The following MAN2A2 variants were observed in gnomAD, a reference collection of about 807,000 sequenced individuals.
MAN2A2 encodes mannosidase alpha class 2A member 2.
Under a neutral mutation model 126.8 loss-of-function variants are expected in MAN2A2, and 79 were observed. The observed-to-expected ratio is 0.62, with a 90% CI of 0.52 to 0.75. The LOEUF is 0.75. Among genes scored for constraint, MAN2A2 ranks in the 30% least tolerant of loss-of-function variants. The pLI is 0.00. For missense variants in MAN2A2, 1,392 were observed against 1,522.4 expected, an observed-to-expected ratio of 0.91 and a Z score of 1.43; for synonymous variants, 671 against 618.7, an observed-to-expected ratio of 1.08 and a Z score of -1.25.
Position 90,906,008 on chromosome 15 carries a change from A to G in MAN2A2, c.699A>G (p.Ala233=), listed in dbSNP as rs776858234. 5 of 1,613,872 alleles carry G rather than the reference A, an allele frequency of 3.1e-6. No individual in the cohort carries two copies. Among genetic ancestry groups the G allele is most frequent in the Non-Finnish European group, 4.2e-6 (5 of 1,180,036 alleles). ...WDNINVQKRA[A]VRRLVGNGQL... is the part of the protein sequence containing the mutation. Reference sequence around the variant, plus strand: ...ACATCAATGTCCAAAAGAGAGCGGCAGTCCGAAGGCCAGTACCAGGCGGGG... The same window carrying G: ...ACATCAATGTCCAAAAGAGAGCGGCGGTCCGAAGGCCAGTACCAGGCGGGG... Residue 233 remains alanine, a synonymous_variant, in exon 5 of 23, where the codon GCA becomes GCG. Coordinates refer to ENST00000559717, the MANE Select transcript of MAN2A2 (RefSeq NM_006122.4).
intron 17 of MAN2A2, 24 bp from the exon 18 acceptor site, chr15:90,913,249 C>A (rs374373254): frequency 8.7e-6 from 14 of 1,611,960 alleles, no homozygotes; most frequent in Non-Finnish European, 1.2e-5. Context: ...CCTGTCCATG[C>A]CCCCACTTTG....
chr15:90,904,711 T>G (rs1248291222), intron 2 of MAN2A2, among the ~76,000 whole-genome samples: 2 of 151,870 alleles, frequency 1.3e-5, no homozygotes, highest in Non-Finnish European at 2.9e-5. Context: ...TGCCTCAGCC[T>G]CCCAAGTAGC....
Position 90,911,459 on chromosome 15 carries a change from T to C in MAN2A2, c.2018T>C (p.Val673Ala), listed in dbSNP as rs749772657. The C allele has an allele frequency of 5.0e-6, 8 of 1,614,204 alleles. No individual in the cohort carries two copies. The Admixed American group carries it at 1.2e-4, about 24-fold the overall frequency. ...TCCCTGCTGGTCAACTCTCCCCGCGTGCGTGTCCTTTCGGAGGAGGGTCAG... is the reference window on the plus strand; with the variant it reads ...TCCCTGCTGGTCAACTCTCCCCGCGCGCGTGTCCTTTCGGAGGAGGGTCAG... ...MVSLLVNSPR[V>A]RVLSEEGQPL... Residue 673 changes from valine to alanine, a missense_variant, in exon 14 of 23, where the codon GTG becomes GCG. Coordinates refer to ENST00000559717, the MANE Select transcript of MAN2A2 (RefSeq NM_006122.4).
chr15:90,910,851 C>G lies in MAN2A2; in HGVS notation c.1765C>G (p.Leu589Val), dbSNP rs2034671308. ...CCTCTCCTGCGCCACCCACAGGCTT[C>G]TGCGCTCCCTTGTCAACCTGAAGCA... is the stretch of plus-strand genomic sequence containing the variant. Reference protein sequence around the residue: ...AVVVDYGVRLLRSLVNLKQVI... With the variant: ...AVVVDYGVRLVRSLVNLKQVI... The change falls in exon 12 of 23, where the codon CTG becomes GTG. Residue 589 changes from leucine (L) to valine (V), a missense_variant. Physicochemically the swap from Leu to Val is conservative, Grantham distance 32. Coordinates refer to ENST00000559717, the MANE Select transcript of MAN2A2 (RefSeq NM_006122.4). The G allele has an allele frequency of 6.2e-7, 1 of 1,613,782 alleles. No individual in the cohort carries two copies. The highest frequency in any genetic ancestry group is 8.5e-7 in the Non-Finnish European group (1 of 1,179,856).
chr15:90,912,097 C>T lies in MAN2A2; in HGVS notation c.2164C>T (p.Leu722=). The change falls in exon 15 of 23, where the codon CTG becomes TTG. Residue 722 remains leucine (L), a synonymous_variant. Transcript: ENST00000559717. ...GGGCCTGGGCGTGCTGCAGCTACAGCTGGGCCTGGATGGGCACCGCACGCT... is the reference window on the plus strand; with the variant it reads ...GGGCCTGGGCGTGCTGCAGCTACAGTTGGGCCTGGATGGGCACCGCACGCT... ...ALGLGVLQLQ[L]GLDGHRTLPS... 1.2e-6 allele frequency: 2 copies of T among 1,613,444 alleles called. No homozygotes were observed. The highest frequency in any genetic ancestry group is 1.7e-6 in the Non-Finnish European group (2 of 1,179,938).
chr15:90,916,530 T>A, intron 20 of MAN2A2: 1 of 1,409,764 alleles, frequency 7.1e-7, no homozygotes, highest in Non-Finnish European at 9.5e-7. Flanking sequence ...TGTCCCAGCA[T>A]TCTCTAAGCC....
At position 90,916,275 on chromosome 15, in the gene MAN2A2, G is replaced by A. The variant is rs1158166029; in HGVS notation, c.2994+19G>A. 10 of 1,610,410 alleles carry A rather than the reference G, an allele frequency of 6.2e-6. No homozygotes were observed. The highest frequency in any genetic ancestry group is 5.0e-5 in the Admixed American group (3 of 59,866). On this transcript the variant is annotated intron_variant, in intron 20 of 22. Transcript: ENST00000559717. ...CAGTGAGGTAACATCTGGGGCTGAC[G>A]CCCAGGGAGCCAGGTCTGGCTAGTC...
intron 8 of MAN2A2, among the ~76,000 whole-genome samples, chr15:90,908,167 A>G (rs758314942): frequency 9.9e-5 from 15 of 152,214 alleles, no homozygotes; most frequent in Admixed American, 1.3e-4. Flanking sequence ...ATCTAGGGCT[A>G]TGAGGGCGTG....
chr15:90,913,727 G>A lies in MAN2A2; in HGVS notation c.2832G>A (p.Gln944=). Residue 944 remains glutamine, a synonymous_variant, in exon 19 of 23, where the codon CAG becomes CAA. Coordinates refer to ENST00000559717, the MANE Select transcript of MAN2A2 (RefSeq NM_006122.4). The part of the protein sequence containing the change: ...AQKRLTLHTA[Q]ALGVSSLKDG... ...AGCGCCTCACGCTGCACACTGCCCA[G>A]GCCCTGGGTGTCTCTAGCCTCAAAG... 1 of 1,599,914 alleles carries A rather than the reference G, an allele frequency of 6.3e-7. No homozygotes were observed.
At chr15:90,906,127 C>G (rs2034262913) in intron 5 of MAN2A2, 111 bp downstream of exon 5, 1 of 1,474,084 alleles carries the variant, frequency 6.8e-7, no homozygotes, top group African/African-American at 1.4e-5. Flanking sequence ...GCCCAGAGAG[C>G]TGTGGAAGAG....
intron 15 of MAN2A2, 90 bp downstream of exon 15, chr15:90,912,369 G>A (rs2034823908): frequency 1.9e-6 from 3 of 1,567,558 alleles, no homozygotes; most frequent in Non-Finnish European, 1.7e-6. Context: ...CCGGCCCTGT[G>A]AGCATTCTGC....
intron 2 of MAN2A2, among the ~76,000 whole-genome samples, chr15:90,904,650 C>T (rs867505497): frequency 6.6e-6 from 1 of 150,728 alleles, no homozygotes; most frequent in Non-Finnish European, 1.5e-5. Flanking sequence ...AGTGCAGTGG[C>T]GCGATCTTGG....
In MAN2A2 at chr15:90,909,599, G is replaced by GCC. The variant is rs202234958; in HGVS notation, c.1374+100_1374+101dup. On this transcript the variant is annotated intron_variant, in intron 9 of 22. Transcript: ENST00000559717. ...CCTGGGTTCCCAACTCGGGCAGGGTGCCCCCCTTTTTTTTTTTTTTTTGAG... is the reference window on the plus strand; with the variant it reads ...CCTGGGTTCCCAACTCGGGCAGGGTGCCCCCCCCTTTTTTTTTTTTTTTTGAG... 8.2e-6 allele frequency: 9 copies of GCC among 1,091,656 alleles called. No individual in the cohort carries two copies. In the East Asian group the frequency reaches 3.1e-4, roughly 37 times the overall value. The allele number at this position is 1,091,656 out of a possible 1,614,324, so 67.6% of individuals were successfully genotyped here.
chr15:90,910,119 T>C lies in MAN2A2; in HGVS notation c.1404T>C (p.Phe468=), dbSNP rs375215888. The C allele has an allele frequency of 7.4e-6, 12 of 1,613,510 alleles. No individual in the cohort carries two copies. The highest frequency in any genetic ancestry group is 1.0e-5 in the Non-Finnish European group (12 of 1,179,842). The change falls in exon 10 of 23, where the codon TTT becomes TTC. Residue 468 remains phenylalanine, a synonymous_variant. Transcript: ENST00000559717. ...QAQFGTLSDY[F]DALYKRTGVE... ...AGTTTGGCACTCTTTCTGACTATTT[T>C]GATGCCCTGTACAAGAGGACAGGGG... is the stretch of plus-strand genomic sequence containing the variant.
chr15:90,906,532 TGGGCTGTAAGGCACAGGCAG>T (rs752390684), intron 6 of MAN2A2, 35 bp downstream of exon 6: 84 of 1,613,918 alleles, frequency 5.2e-5, no homozygotes, highest in Middle Eastern at 1.6e-4. Flanking sequence ...GTCTGCCCCC[TGGGCTGTAAGGCACAGGCAG>T]GGGCTGTAAG....
rs930052056 is a variant in MAN2A2 at position 90,906,945 on chromosome 15, C to T, written c.1009+32C>T. The T allele has an allele frequency of 4.3e-6, 7 of 1,609,372 alleles. No homozygotes were observed. In the East Asian group the frequency reaches 1.3e-4, roughly 31 times the overall value. On this transcript the variant is annotated intron_variant, in intron 7 of 22. Coordinates refer to ENST00000559717, the MANE Select transcript of MAN2A2 (RefSeq NM_006122.4). ...CCGGGTAGGGTAGAGGGGGTTACTG[C>T]AGCATAGTCTTCACTGGGGAACAGC...
intron 12 of MAN2A2, 102 bp from the exon 13 acceptor site, chr15:90,911,069 A>C (rs928098721): frequency 6.8e-7 from 1 of 1,481,050 alleles, no homozygotes; most frequent in Non-Finnish European, 9.4e-7. Context: ...CATCCGGATG[A>C]GTTCTGTGCC....
chr15:90,905,806 A>C (rs1198952203), intron 4 of MAN2A2, 39 bp from the exon 5 acceptor site: 1 of 1,584,124 alleles, frequency 6.3e-7, no homozygotes, highest in African/African-American at 1.3e-5. Context: ...GTCGAAGAAG[A>C]TGGTGGCATC....
At chr15:90,910,354 G>C in intron 10 of MAN2A2, 62 bp downstream of exon 10, 1 of 1,597,376 alleles carries the variant, frequency 6.3e-7, no homozygotes, top group Non-Finnish European at 8.6e-7. Flanking sequence ...GTTTAAGGAG[G>C]GGCTGGATTG....
Sources: gnomAD v4.1 joint callset for allele counts (sites outside exome capture counted in the v4.1 genomes callset) on GRCh38, gnomAD v4.1.1 for gene constraint, MANE v1.5 for transcripts, NCBI Gene and HGNC (gene_info 2026-07-23, HGNC 2026-07-21) for gene names.